Variants in SRPK1 observed in about 807,000 individuals in gnomAD.
SRPK1 encodes SFRS protein kinase 1.
In SRPK1, 52 loss-of-function variants were observed where a neutral mutation model predicts 89.5. The observed-to-expected ratio is 0.58, with a 90% confidence interval of 0.46 to 0.73. SRPK1 has a LOEUF of 0.73. Among genes scored for constraint, SRPK1 ranks in the 30% least tolerant of loss-of-function variants. SRPK1 has a pLI of 0.00. For missense variants in SRPK1, 603 were observed against 780.6 expected, an observed-to-expected ratio of 0.77 and a Z score of 2.71; for synonymous variants, 255 against 270.2, an observed-to-expected ratio of 0.94 and a Z score of 0.55.
At chr6:35,857,784 C>A (rs916844214) in intron 12 of SRPK1, among the ~76,000 whole-genome samples, 1 of 152,160 alleles carries the variant, frequency 6.6e-6, no homozygotes, top group Non-Finnish European at 1.5e-5. Context: ...ACTCTTTAAC[C>A]TTGCAATTTA....
chr6:35,853,714 T>C (rs144680562), intron 13 of SRPK1, among the ~76,000 whole-genome samples: 1 of 152,092 alleles, frequency 6.6e-6, no homozygotes, highest in Non-Finnish European at 1.5e-5. Flanking sequence ...AAAAGGAACA[T>C]ATCCCAGAAA....
intron 12 of SRPK1, among the ~76,000 whole-genome samples, chr6:35,860,100 G>A (rs559893048): frequency 8.2e-4 from 125 of 152,048 alleles, no homozygotes; most frequent in Non-Finnish European, 1.6e-3. Context: ...TCCTGACCTC[G>A]TGATCCGCCT....
rs749303892 is a variant in SRPK1, at chr6:35,872,534, G to A, written c.751+29C>T. On this transcript the variant is annotated intron_variant, in intron 8 of 15. Coordinates refer to ENST00000373825, the MANE Select transcript of SRPK1 (RefSeq NM_003137.5). ...TAGAAATTTCTTTTTAACTTCTAAT[G>A]ATAGCGAAGTCCCTAAAAGAAAATA... The A allele has an allele frequency of 3.9e-6, 6 of 1,547,156 alleles. No individual in the cohort carries two copies. In the South Asian group the frequency reaches 6.5e-5, roughly 17 times the overall value.
chr6:35,881,469 A>C (rs925693857), intron 6 of SRPK1, among the ~76,000 whole-genome samples: 1 of 122,886 alleles, frequency 8.1e-6, no homozygotes, highest in Non-Finnish European at 1.8e-5. Context: ...ATAGATATAG[A>C]TATAGATATA....
intron 12 of SRPK1, among the ~76,000 whole-genome samples, chr6:35,858,603 C>A (rs1389537290): frequency 6.6e-6 from 1 of 152,142 alleles, no homozygotes; most frequent in African/African-American, 2.4e-5. Context: ...ACCTAGAATT[C>A]TCTACAAAGC....
chr6:35,834,235 GTTATA>G lies in SRPK1; in HGVS notation c.*1064_*1068del, dbSNP rs1397445701. On this transcript the variant is annotated 3_prime_UTR_variant, in exon 16 of 16. Transcript: ENST00000373825. ...CCTCCCCTTGGTTCTTTCATTTGGG[GTTATA>G]TTAAAGACTCGAGCCTCTGAGAAAA... 3 of 152,426 alleles carry G rather than the reference GTTATA, an allele frequency of 2.0e-5. No individual in the cohort carries two copies. Among genetic ancestry groups the G allele is most frequent in the Non-Finnish European group, 4.4e-5 (3 of 68,000 alleles). The allele number at this position is 152,426 out of a possible 1,614,324, so 9.4% of individuals were successfully genotyped here. A position where few individuals can be genotyped will look rare whatever the true frequency, so the allele number is the denominator to read the frequency against.
chr6:35,869,806 T>C lies in SRPK1; in HGVS notation c.1087A>G (p.Ile363Val). 1 of 1,613,736 alleles carries C rather than the reference T, an allele frequency of 6.2e-7. No individual in the cohort carries two copies. The highest frequency in any genetic ancestry group is 8.5e-7 in the Non-Finnish European group (1 of 1,179,756). ...TTATTACTGTTCTGAGTATAATTAATGACTTCAATCACTCCATTGCAATTA... is the reference window on the plus strand; with the variant it reads ...TTATTACTGTTCTGAGTATAATTAACGACTTCAATCACTCCATTGCAATTA... The part of the protein sequence containing the change: ...EINCNGVIEV[I>V]NYTQNSNNET... The change falls in exon 11 of 16, where the codon ATT (isoleucine) becomes GTT (valine). Residue 363 changes from isoleucine to valine, a missense_variant. Ile to Val is a conservative substitution (Grantham distance 29, BLOSUM62 3). Coordinates refer to ENST00000373825, the MANE Select transcript of SRPK1 (RefSeq NM_003137.5).
At chr6:35,864,784 C>A (rs1210685677) in intron 12 of SRPK1, among the ~76,000 whole-genome samples, 1 of 152,130 alleles carries the variant, frequency 6.6e-6, no homozygotes, top group Non-Finnish European at 1.5e-5. Context: ...GATTTGGAAG[C>A]AACCTAAGTG....
intron 2 of SRPK1, among the ~76,000 whole-genome samples, chr6:35,913,969 CT>C (rs545555860): frequency 0.02 from 1,816 of 92,784 alleles, 11 homozygotes; most frequent in African/African-American, 0.064. Flanking sequence ...GATACTTTCT[CT>C]TTTTTTTTTT....
intron 13 of SRPK1, among the ~76,000 whole-genome samples, chr6:35,853,838 A>G (rs1421572625): frequency 6.6e-6 from 1 of 151,018 alleles, no homozygotes; most frequent in African/African-American, 2.4e-5. Flanking sequence ...AGATAATCTC[A>G]TCCTGCCAGT....
chr6:35,892,727 G>A (rs1296391487), intron 2 of SRPK1, among the ~76,000 whole-genome samples: 1 of 151,696 alleles, frequency 6.6e-6, no homozygotes, highest in African/African-American at 2.4e-5. Flanking sequence ...AAAAGGCAGG[G>A]TACACAGCAT....
intron 5 of SRPK1, 125 bp downstream of exon 5, chr6:35,887,899 A>G: frequency 1.6e-6 from 1 of 618,470 alleles, no homozygotes; most frequent in South Asian, 3.3e-5. Context: ...TTACCTCTTT[A>G]AGGTTACTAG....
At chr6:35,915,702 G>T (rs967969698) in intron 2 of SRPK1, among the ~76,000 whole-genome samples, 12 of 152,080 alleles carry the variant, frequency 7.9e-5, no homozygotes, top group Non-Finnish European at 1.5e-4. Flanking sequence ...GCCAGGTGCG[G>T]TGGCTCACGC....
chr6:35,882,600 A>G lies in SRPK1; in HGVS notation c.478+4124T>C, dbSNP rs575943404. Among the ~76,000 whole-genome samples the G allele has an allele frequency of 1.3e-4, 20 of 152,194 alleles. No individual in the cohort carries two copies. In the East Asian group the frequency reaches 3.9e-3, roughly 30 times the overall value. On this transcript the variant is annotated intron_variant, in intron 6 of 15. Transcript: ENST00000373825. ...ATGAGCCACAGTGCCTGGCTAGGTT[A>G]TATTTTAAGAGTCCTTGTCATTTAG...
At chr6:35,888,392 A>C (rs922024082) in intron 4 of SRPK1, among the ~76,000 whole-genome samples, 1 of 152,208 alleles carries the variant, frequency 6.6e-6, no homozygotes, top group Non-Finnish European at 1.5e-5. Context: ...AGTTACAAGC[A>C]AAACTGCAAA....
chr6:35,865,560 G>A (rs982357955), intron 12 of SRPK1, among the ~76,000 whole-genome samples: 1 of 152,080 alleles, frequency 6.6e-6, no homozygotes, highest in African/African-American at 2.4e-5. Context: ...CAAGGTTACA[G>A]CAACCAAAAC....
At chr6:35,868,107 G>A (rs1030932059) in intron 12 of SRPK1, among the ~76,000 whole-genome samples, 16 of 151,890 alleles carry the variant, frequency 1.1e-4, no homozygotes, top group Admixed American at 3.9e-4. Flanking sequence ...CAAGTAGCTG[G>A]TATTACAGGC....
intron 10 of SRPK1, 91 bp downstream of exon 10, chr6:35,870,190 G>T: frequency 1.8e-6 from 2 of 1,105,714 alleles, no homozygotes; most frequent in Non-Finnish European, 2.6e-6. Context: ...CCAGAGATGT[G>T]TTGTATGTAT....
chr6:35,838,585 T>C, intron 14 of SRPK1, 156 bp from the exon 15 acceptor site: 1 of 1,445,086 alleles, frequency 6.9e-7, no homozygotes, highest in Non-Finnish European at 9.5e-7. Context: ...AGGAAGACTC[T>C]ATCCATCTAA....
Sources: allele counts gnomAD v4.1 joint callset (sites outside exome capture counted in the v4.1 genomes callset), GRCh38; gene constraint gnomAD v4.1.1; transcripts MANE v1.5; gene names NCBI Gene and HGNC (gene_info 2026-07-23, HGNC 2026-07-21).